ZMAT4: variants seen among roughly 807,000 people sequenced by gnomAD.
The protein encoded by ZMAT4 is zinc finger matrin-type protein 4.
In ZMAT4, 17 loss-of-function variants were observed where a neutral mutation model predicts 28.7. The ratio of observed to expected loss-of-function variants is 0.59; its 90% CI spans 0.41 to 0.89. ZMAT4 has a LOEUF of 0.89. Ranked by LOEUF, ZMAT4 falls within the 40% of genes least tolerant of loss-of-function variation. The pLI is 0.00. For synonymous variants in ZMAT4, 117 were observed against 109.2 expected (o/e 1.07, Z -0.44); for missense variants, 240 against 283.8 (o/e 0.85, Z 1.11).
intron 2 of ZMAT4, among the ~76,000 whole-genome samples, chr8:40,787,730 G>T (rs1814146955): frequency 6.6e-6 from 1 of 152,184 alleles, no homozygotes. Context: ...TGACTCACAG[G>T]CAGAGAGCAC....
intron 5 of ZMAT4, among the ~76,000 whole-genome samples, chr8:40,649,098 C>A (rs1470748570): frequency 1.4e-5 from 2 of 143,272 alleles, no homozygotes; most frequent in Non-Finnish European, 3.1e-5. Context: ...TGTAAATGGA[C>A]TAAATGCTCC....
At chr8:40,727,683 A>C (rs1251495639) in intron 3 of ZMAT4, among the ~76,000 whole-genome samples, 1 of 152,202 alleles carries the variant, frequency 6.6e-6, no homozygotes, top group Non-Finnish European at 1.5e-5. Flanking sequence ...AGAGATGAAC[A>C]AGTTATAATC....
At chr8:40,814,085 C>T (rs558651577) in intron 2 of ZMAT4, among the ~76,000 whole-genome samples, 8 of 152,052 alleles carry the variant, frequency 5.3e-5, no homozygotes, top group East Asian at 1.9e-4. Flanking sequence ...GGTGCAGTTA[C>T]GCATTCGTAG....
intron 5 of ZMAT4, among the ~76,000 whole-genome samples, chr8:40,655,459 A>G (rs539795649): frequency 6.6e-5 from 10 of 152,100 alleles, no homozygotes; most frequent in South Asian, 4.1e-4. Flanking sequence ...TGGCTCTAAA[A>G]TTCATATGAA....
chr8:40,699,596 G>GCACACACACACACACACACACA (rs10681965), intron 3 of ZMAT4, among the ~76,000 whole-genome samples: 1 of 149,640 alleles, frequency 6.7e-6, no homozygotes, highest in Non-Finnish European at 1.5e-5. Flanking sequence ...AAATGTAAAT[G>GCACACACACACACACACACACA]CACACACACA....
chr8:40,768,313 A>C (rs1010971546), intron 2 of ZMAT4, among the ~76,000 whole-genome samples: 2 of 152,226 alleles, frequency 1.3e-5, no homozygotes, highest in African/African-American at 4.8e-5. Context: ...CTGCCAGCAG[A>C]TGATGCAGTT....
At chr8:40,534,197 T>C (rs1802777443) in intron 6 of ZMAT4, among the ~76,000 whole-genome samples, 1 of 152,208 alleles carries the variant, frequency 6.6e-6, no homozygotes, top group Admixed American at 6.5e-5. Flanking sequence ...CCTTTCTGAA[T>C]ACATAGAAAT....
chr8:40,849,320 C>T (rs895346300), intron 1 of ZMAT4, among the ~76,000 whole-genome samples: 7 of 152,288 alleles, frequency 4.6e-5, no homozygotes, highest in Admixed American at 1.3e-4. Context: ...GAAAAACAGG[C>T]TTCCCTTCTG....
intron 6 of ZMAT4, among the ~76,000 whole-genome samples, chr8:40,580,928 C>T (rs1490319240): frequency 6.6e-6 from 1 of 151,902 alleles, no homozygotes; most frequent in Non-Finnish European, 1.5e-5. Context: ...GTCCTAATTT[C>T]ATAAAAGTAT....
intron 6 of ZMAT4, among the ~76,000 whole-genome samples, chr8:40,532,602 G>A (rs1802725266): frequency 6.6e-6 from 1 of 152,066 alleles, no homozygotes; most frequent in Non-Finnish European, 1.5e-5. Flanking sequence ...GAACCCTCTT[G>A]TTGAAAGTGG....
intron 1 of ZMAT4, among the ~76,000 whole-genome samples, chr8:40,850,925 T>G (rs1294949836): frequency 1.3e-5 from 2 of 152,222 alleles, no homozygotes; most frequent in African/African-American, 4.8e-5. Flanking sequence ...CTATCATTAT[T>G]TACTGTGTTC....
At chr8:40,686,852 A>G (rs552191001) in intron 4 of ZMAT4, among the ~76,000 whole-genome samples, 1 of 152,180 alleles carries the variant, frequency 6.6e-6, no homozygotes, top group Non-Finnish European at 1.5e-5. Flanking sequence ...CTGTTTGACA[A>G]AAGTTACTTT....
intron 5 of ZMAT4, among the ~76,000 whole-genome samples, chr8:40,603,564 A>C (rs781121919): frequency 1.3e-5 from 2 of 152,142 alleles, no homozygotes; most frequent in African/African-American, 2.4e-5. Context: ...TGAGCATGGG[A>C]TAGGTGTTTC....
chr8:40,774,632 A>G (rs1813515710), intron 2 of ZMAT4, among the ~76,000 whole-genome samples: 1 of 151,766 alleles, frequency 6.6e-6, no homozygotes, highest in East Asian at 1.9e-4. Context: ...TCCATATAAT[A>G]GATACCAAAG....
chr8:40,647,404 G>C (rs1317709395), intron 5 of ZMAT4, among the ~76,000 whole-genome samples: 1 of 152,290 alleles, frequency 6.6e-6, no homozygotes, highest in East Asian at 1.9e-4. Context: ...ATTATATCCC[G>C]CACCTGGCTC....
At chr8:40,567,986 GA>G (rs1227391405) in intron 6 of ZMAT4, among the ~76,000 whole-genome samples, 2 of 152,050 alleles carry the variant, frequency 1.3e-5, no homozygotes. Flanking sequence ...ATAATAAAAT[GA>G]AAAATGCAAA....
chr8:40,726,942 A>T (rs1811337499), intron 3 of ZMAT4, among the ~76,000 whole-genome samples: 1 of 152,218 alleles, frequency 6.6e-6, no homozygotes. Flanking sequence ...TGGATTTCAT[A>T]CTGGCCACAC....
At chr8:40,644,664 A>G (rs1807218332) in intron 5 of ZMAT4, among the ~76,000 whole-genome samples, 1 of 152,196 alleles carries the variant, frequency 6.6e-6, no homozygotes, top group Admixed American at 6.5e-5. Context: ...GAGGTGAAAT[A>G]TAACTCCCCA....
chr8:40,853,987 T>C (rs1157687398), intron 1 of ZMAT4, among the ~76,000 whole-genome samples: 1 of 152,144 alleles, frequency 6.6e-6, no homozygotes, highest in Non-Finnish European at 1.5e-5. Context: ...CAGGACACTT[T>C]TACTCATGGA....
Sources: allele counts gnomAD v4.1 joint callset (sites outside exome capture counted in the v4.1 genomes callset), GRCh38; gene constraint gnomAD v4.1.1; transcripts MANE v1.5; gene names NCBI Gene and HGNC (gene_info 2026-07-23, HGNC 2026-07-21).